CDH13: variants seen among roughly 807,000 people sequenced by gnomAD.
The protein encoded by CDH13 is cadherin-13.
A neutral mutation model predicts 63.8 loss-of-function variants in CDH13; 24 were observed. The observed-to-expected ratio is 0.38, with a 90% CI of 0.27 to 0.53. The LOEUF (loss-of-function observed/expected upper bound fraction) is 0.53, where lower values mean the gene tolerates loss of function less well. CDH13 is among the 20% of genes least tolerant of loss of function. The pLI is 0.85. For missense variants in CDH13, 1,049 were observed against 903.1 expected (o/e 1.16, Z -2.07); for synonymous variants, 503 against 355.3 (o/e 1.42, Z -4.67).
chr16:82,655,181 C>A (rs1479118035), intron 1 of CDH13, among the ~76,000 whole-genome samples: 1 of 152,236 alleles, frequency 6.6e-6, no homozygotes, highest in Non-Finnish European at 1.5e-5. Flanking sequence ...TAGCAATGGG[C>A]ACAACCAGGT....
chr16:83,620,697 G>A (rs1285817184), intron 8 of CDH13, among the ~76,000 whole-genome samples: 1 of 152,176 alleles, frequency 6.6e-6, no homozygotes, highest in Non-Finnish European at 1.5e-5. Context: ...GTCCCTCCAC[G>A]TAGATGAGGA....
intron 4 of CDH13, among the ~76,000 whole-genome samples, chr16:83,129,302 G>A (rs558102469): frequency 1.2e-3 from 187 of 152,320 alleles, no homozygotes; most frequent in African/African-American, 4.3e-3. Flanking sequence ...GATATAGAAT[G>A]CCATTTGAAG....
chr16:83,262,172 G>C (rs1255772610), intron 5 of CDH13, among the ~76,000 whole-genome samples: 3 of 152,168 alleles, frequency 2.0e-5, no homozygotes, highest in African/African-American at 7.2e-5. Flanking sequence ...GAATATAAGA[G>C]GGTAACAGCA....
At chr16:83,577,383 C>G (rs904707435) in intron 7 of CDH13, among the ~76,000 whole-genome samples, 7 of 152,238 alleles carry the variant, frequency 4.6e-5, no homozygotes, top group Non-Finnish European at 1.5e-5. Context: ...TTAACATTTA[C>G]TTGAATTCTT....
chr16:83,289,616 C>T, intron 5 of CDH13, among the ~76,000 whole-genome samples: 1 of 151,956 alleles, frequency 6.6e-6, no homozygotes, highest in East Asian at 1.9e-4. Context: ...ATTAATAATG[C>T]CAGGGACATC....
At chr16:83,267,560 C>G (rs559878231) in intron 5 of CDH13, among the ~76,000 whole-genome samples, 6 of 152,270 alleles carry the variant, frequency 3.9e-5, no homozygotes, top group Admixed American at 1.3e-4. Flanking sequence ...GGGCTCCACC[C>G]TCATGAATAG....
intron 4 of CDH13, among the ~76,000 whole-genome samples, chr16:83,194,801 T>C (rs999026943): frequency 6.6e-6 from 1 of 152,200 alleles, no homozygotes. Flanking sequence ...GTGGCAACAC[T>C]TTGTGACGGC....
chr16:83,138,291 A>T (rs2036384459), intron 4 of CDH13, among the ~76,000 whole-genome samples: 1 of 152,112 alleles, frequency 6.6e-6, no homozygotes, highest in African/African-American at 2.4e-5. Context: ...CTGCTTATGG[A>T]TTCCCCCGAG....
chr16:82,806,409 AT>A (rs1422774314), intron 1 of CDH13, among the ~76,000 whole-genome samples: 1 of 152,208 alleles, frequency 6.6e-6, no homozygotes. Context: ...AAGATTTAGA[AT>A]TTGAAATACA....
rs1237484495 is a variant in CDH13 at position 82,644,167 on chromosome 16, A to G, written c.45+17030A>G. On this transcript the variant is annotated intron_variant, in intron 1 of 13. Coordinates refer to ENST00000567109, the MANE Select transcript of CDH13 (RefSeq NM_001257.5). The surrounding 1 kb of genome is among the most constrained non-coding windows in gnomAD (Gnocchi z 5.7). ...TTGCTGAAGGATTTAGGATTTACCCAAATTAACATGAATGTTTGGCACCCT... is the reference window on the plus strand; with the variant it reads ...TTGCTGAAGGATTTAGGATTTACCCGAATTAACATGAATGTTTGGCACCCT... Among the ~76,000 whole-genome samples the G allele has an allele frequency of 6.6e-6, 1 of 152,198 alleles. No homozygotes were observed. The highest frequency in any genetic ancestry group is 1.5e-5 in the Non-Finnish European group (1 of 68,032).
chr16:83,270,171 C>T (rs995975984), intron 5 of CDH13, among the ~76,000 whole-genome samples: 1 of 152,170 alleles, frequency 6.6e-6, no homozygotes, highest in Non-Finnish European at 1.5e-5. Flanking sequence ...GGGCAATAAT[C>T]TATTGAAATA....
At chr16:82,769,513 C>G (rs888900314) in intron 1 of CDH13, among the ~76,000 whole-genome samples, 6 of 152,130 alleles carry the variant, frequency 3.9e-5, no homozygotes, top group African/African-American at 1.4e-4. Context: ...CACGTTGAAC[C>G]TCTAATTCTG....
intron 1 of CDH13, among the ~76,000 whole-genome samples, chr16:82,811,242 C>T (rs549282911): frequency 6.6e-5 from 10 of 152,028 alleles, no homozygotes; most frequent in African/African-American, 2.2e-4. Flanking sequence ...AATCAAGCCA[C>T]GGTGAGAGAA....
intron 2 of CDH13, among the ~76,000 whole-genome samples, chr16:82,920,113 G>A (rs532112464): frequency 7.9e-5 from 12 of 152,260 alleles, no homozygotes; most frequent in Admixed American, 1.3e-4. Flanking sequence ...TCATGTATGC[G>A]AGAAGTCCAT....
intron 5 of CDH13, among the ~76,000 whole-genome samples, chr16:83,298,014 C>G (rs531948288): frequency 7.1e-6 from 1 of 141,080 alleles, no homozygotes; most frequent in South Asian, 2.3e-4. Context: ...AGTTCTAGAC[C>G]AGCCTAGGTA....
At position 83,782,502 on chromosome 16, in the gene CDH13, G is replaced by A. The variant is rs528571578; in HGVS notation, c.1916-752G>A. 3.9e-5 allele frequency among the ~76,000 whole-genome samples: 6 copies of A among 152,208 alleles called. No homozygotes were observed. The East Asian group carries it at 7.7e-4, about 20-fold the overall frequency. On this transcript the variant is annotated intron_variant, in intron 12 of 13. Coordinates refer to ENST00000567109, the MANE Select transcript of CDH13 (RefSeq NM_001257.5). ...TGTAATCCCAGCATTTTGGGAGGCCGAGGCAGGCAGATCACCTGAGGTCAG... is the reference window on the plus strand; with the variant it reads ...TGTAATCCCAGCATTTTGGGAGGCCAAGGCAGGCAGATCACCTGAGGTCAG...
rs562484673 is a variant in CDH13, at chr16:83,246,672, C to T, written c.636+29175C>T. ...TGACTGTCATTGTCATTCACTTGAA[C>T]GGGTGAAATTAACCTCTGCCTTTGA... is the stretch of plus-strand genomic sequence containing the variant. On this transcript the variant is annotated intron_variant, in intron 5 of 13. Transcript: ENST00000567109. Among the ~76,000 whole-genome samples, 40 of 152,252 alleles carry T rather than the reference C, an allele frequency of 2.6e-4. 1 individual carries two copies. Among genetic ancestry groups the T allele is most frequent in the Non-Finnish European group, 5.6e-4 (38 of 68,000 alleles).
chr16:82,827,708 A>G (rs925265770), intron 1 of CDH13, among the ~76,000 whole-genome samples: 2 of 152,216 alleles, frequency 1.3e-5, no homozygotes, highest in Admixed American at 6.5e-5. Context: ...AAATGGCTTC[A>G]TAAAGATTCT....
chr16:82,779,415 G>A (rs1405858446), intron 1 of CDH13, among the ~76,000 whole-genome samples: 1 of 152,108 alleles, frequency 6.6e-6, no homozygotes, highest in Non-Finnish European at 1.5e-5. Context: ...ACTTAAATCA[G>A]GGCTCCTAAC....
Sources: allele counts gnomAD v4.1 joint callset (sites outside exome capture counted in the v4.1 genomes callset), GRCh38; gene constraint gnomAD v4.1.1; non-coding constraint Gnocchi (gnomAD v3.1); transcripts MANE v1.5; gene names NCBI Gene and HGNC (gene_info 2026-07-23, HGNC 2026-07-21).